KCNH4: variants seen among roughly 807,000 people sequenced by gnomAD.
KCNH4 encodes potassium voltage-gated channel subfamily H member 4, also known as voltage-gated delayed rectifier potassium channel KCNH4.
Under a neutral mutation model 90.7 loss-of-function variants are expected in KCNH4, and 33 were observed. The observed-to-expected ratio is 0.36, with a 90% CI of 0.28 to 0.49. The LOEUF (loss-of-function observed/expected upper bound fraction) is 0.49, where lower values mean the gene tolerates loss of function less well. KCNH4 is among the 20% of genes least tolerant of loss of function. KCNH4 has a pLI of 0.98. For synonymous variants in KCNH4, 551 were observed against 581.7 expected, an observed-to-expected ratio of 0.95 and a Z score of 0.76; for missense variants, 1,044 against 1,387.1, an observed-to-expected ratio of 0.75 and a Z score of 3.93.
rs184095898 is a variant in KCNH4 at position 42,161,220 on chromosome 17, G to T, written c.2659-785C>A. On this transcript the variant is annotated intron_variant, in intron 15 of 16. Coordinates refer to ENST00000264661, the MANE Select transcript of KCNH4 (RefSeq NM_012285.3). ...TGGGATTACAGGCATGAGCCACCGC[G>T]CCCGGCCTATCAGGTAGTTCTGACA... Among the ~76,000 whole-genome samples, 402 of 152,284 alleles carry T rather than the reference G, an allele frequency of 2.6e-3. 2 individuals carry two copies. Among genetic ancestry groups the T allele is most frequent in the Non-Finnish European group, 4.5e-3 (305 of 68,012 alleles).
chr17:42,157,918 A>G (rs998076369), intron 16 of KCNH4, among the ~76,000 whole-genome samples: 5 of 147,478 alleles, frequency 3.4e-5, no homozygotes, highest in Non-Finnish European at 7.5e-5. Context: ...CACCTGGCTA[A>G]TTTTTATTTA....
intron 16 of KCNH4, among the ~76,000 whole-genome samples, chr17:42,158,910 A>G (rs1348055929): frequency 6.6e-6 from 1 of 151,988 alleles, no homozygotes; most frequent in African/African-American, 2.4e-5. Context: ...TCTCAAACTC[A>G]TGGACTCAAG....
chr17:42,169,881 T>A (rs1385944542), intron 8 of KCNH4, among the ~76,000 whole-genome samples: 1 of 152,134 alleles, frequency 6.6e-6, no homozygotes, highest in Non-Finnish European at 1.5e-5. Context: ...CACCATTAGG[T>A]CATGAACCTG....
In KCNH4 at chr17:42,164,171, G is replaced by GT. The variant is rs375439821; in HGVS notation, c.2086-4dup. The stretch of plus-strand genomic sequence containing the variant: ...GATCGGGAAAAGCGGCTGAGGCCCT[G>GT]TGGGGACATAGGAGAGTTCAAGCTG... On this transcript the variant is annotated splice_region_variant and splice_polypyrimidine_tract_variant and intron_variant, in intron 11 of 16. Coordinates refer to ENST00000264661, the MANE Select transcript of KCNH4 (RefSeq NM_012285.3). The GT allele has an allele frequency of 1.2e-4, 189 of 1,550,584 alleles. No individual in the cohort carries two copies. The African/African-American group carries it at 2.0e-3, about 16-fold the overall frequency.
chr17:42,179,474 C>T (rs887154128), intron 1 of KCNH4, among the ~76,000 whole-genome samples: 1 of 152,204 alleles, frequency 6.6e-6, no homozygotes, highest in Non-Finnish European at 1.5e-5. Context: ...CTCACATGGT[C>T]GTTGTGAGAG....
In KCNH4 at chr17:42,170,203, A is replaced by G; in HGVS notation, c.1294T>C (p.Phe432Leu). ...ACACTGGTGAGGCTGCTTAGAGTGA[A>G]GTACAGTGCCGCGATGTAGGCGCTG... Reference protein sequence around the residue: ...RRSAYIAALYFTLSSLTSVGF... With the variant: ...RRSAYIAALYLTLSSLTSVGF... Residue 432 changes from phenylalanine to leucine, a missense_variant, in exon 8 of 17, where the codon TTC becomes CTC. By Grantham distance (22) the Phe-to-Leu change is conservative (BLOSUM62 0). Around this residue, in one of 4 missense-constraint regions of KCNH4, gnomAD observed 318 missense variants for 479.6 expected, o/e 0.66. Coordinates refer to ENST00000264661, the MANE Select transcript of KCNH4 (RefSeq NM_012285.3). The G allele has an allele frequency of 6.2e-7, 1 of 1,613,312 alleles. No individual in the cohort carries two copies. The highest frequency in any genetic ancestry group is 1.1e-5 in the South Asian group (1 of 91,082).
chr17:42,163,920 C>A lies in KCNH4; in HGVS notation c.2163G>T (p.Thr721=), dbSNP rs369021964. Residue 721 remains threonine (T), a synonymous_variant, in exon 13 of 17, where the codon ACG becomes ACT. Transcript: ENST00000264661. The surrounding 1 kb of genome is among the most constrained non-coding windows in gnomAD (Gnocchi z 5.4). ...SESLGSSSDK[T]LPSITEAESG... ...TCTCGGCCTCTGTGATGGATGGCAG[C>A]GTCTTGTCTGAGGAGGAGCCGAGGC... The A allele has an allele frequency of 1.4e-5, 21 of 1,547,070 alleles. No individual in the cohort carries two copies. The highest frequency in any genetic ancestry group is 1.8e-5 in the Non-Finnish European group (21 of 1,146,614).
At chr17:42,172,192 C>A (rs918206913) in intron 6 of KCNH4, among the ~76,000 whole-genome samples, 197 bp from the exon 7 acceptor site, 2 of 151,322 alleles carry the variant, frequency 1.3e-5, no homozygotes, top group African/African-American at 4.9e-5. Flanking sequence ...CAGTGGCTAA[C>A]ACTTTGTAAT....
In KCNH4 at chr17:42,181,108, C is replaced by G; in HGVS notation, c.-163G>C. 1.6e-6 allele frequency: 1 copy of G among 611,052 alleles called. No homozygotes were observed. Among genetic ancestry groups the G allele is most frequent in the Non-Finnish European group, 2.8e-6 (1 of 356,468 alleles). 37.9% of individuals were successfully genotyped at this position (611,052 alleles called of 1,614,324 possible). A position where few individuals can be genotyped will look rare whatever the true frequency, so the allele number is the denominator to read the frequency against. Reference sequence around the variant, plus strand: ...CTGCCGCTGCCTCTGCTCCGAACCCCGTAGCTCTCGGCTCGGCTCAGCGCC... The same window carrying G: ...CTGCCGCTGCCTCTGCTCCGAACCCGGTAGCTCTCGGCTCGGCTCAGCGCC... On this transcript the variant is annotated 5_prime_UTR_variant, in exon 1 of 17. Transcript: ENST00000264661.
intron 9 of KCNH4, among the ~76,000 whole-genome samples, chr17:42,167,764 G>A (rs1009348687): frequency 2.0e-5 from 3 of 152,212 alleles, no homozygotes; most frequent in Non-Finnish European, 2.9e-5. Context: ...ACCAGCAGGA[G>A]ATTACCACGT....
intron 9 of KCNH4, among the ~76,000 whole-genome samples, chr17:42,167,727 G>A (rs2079797798): frequency 6.6e-6 from 1 of 152,114 alleles, no homozygotes; most frequent in Non-Finnish European, 1.5e-5. Flanking sequence ...CAGAAAACTG[G>A]GAGTCACTCT....
intron 15 of KCNH4, among the ~76,000 whole-genome samples, chr17:42,162,018 G>A (rs957894611): frequency 6.7e-5 from 10 of 148,392 alleles, no homozygotes; most frequent in Admixed American, 1.4e-4. Flanking sequence ...GTGCAATGGC[G>A]CAATTTTGTC....
chr17:42,163,282 G>A lies in KCNH4; in HGVS notation c.2530C>T (p.Arg844Ter). ...SGSTAEAPSF[R>*]FSRRPELPRP... is the part of the protein sequence containing the mutation. ...GGCAGTTCAGGCCTCCTGCTGAATC[G>A]GAATGAAGGGGCCTCAGCTGTGCTG... Residue 844 changes from arginine to a stop codon, truncating the protein, a stop_gained, in exon 14 of 17, where the codon CGA (arginine) becomes TGA (stop). Coordinates refer to ENST00000264661, the MANE Select transcript of KCNH4 (RefSeq NM_012285.3). LOFTEE classifies it high-confidence loss of function. This position sits in a 1 kb window ranked among gnomAD's most constrained non-coding sequence, Gnocchi z 5.4. 2 of 1,614,112 alleles carry A rather than the reference G, an allele frequency of 1.2e-6. No individual in the cohort carries two copies. Among genetic ancestry groups the A allele is most frequent in the South Asian group, 1.1e-5 (1 of 91,086 alleles).
At chr17:42,173,467 T>C (rs1411338283) in intron 6 of KCNH4, among the ~76,000 whole-genome samples, 2 of 152,074 alleles carry the variant, frequency 1.3e-5, no homozygotes, top group Non-Finnish European at 2.9e-5. Context: ...GGCCACTCTC[T>C]TGGGGATACT....
Position 42,159,970 on chromosome 17 carries a change from G to A in KCNH4, c.*70C>T. The stretch of plus-strand genomic sequence containing the variant: ...TGCTGACCCCAAGGCAGGAAGCCAA[G>A]GGGCCCAGGTCCTCCCTGAGTGGTG... On this transcript the variant is annotated 3_prime_UTR_variant, in exon 16 of 17. Coordinates refer to ENST00000264661, the MANE Select transcript of KCNH4 (RefSeq NM_012285.3). The A allele has an allele frequency of 1.6e-6, 2 of 1,279,016 alleles. No homozygotes were observed. Among genetic ancestry groups the A allele is most frequent in the East Asian group, 2.7e-5 (1 of 37,646 alleles). The allele number at this position is 1,279,016 out of a possible 1,614,324, so 79.2% of individuals were successfully genotyped here. A position where few individuals can be genotyped will look rare whatever the true frequency, so the allele number is the denominator to read the frequency against.
At chr17:42,169,975 G>A (rs1264862573) in intron 8 of KCNH4, 132 bp downstream of exon 8, 4 of 977,112 alleles carry the variant, frequency 4.1e-6, no homozygotes, top group Admixed American at 2.8e-5. Context: ...GGAAACGTCC[G>A]TGAATGAATG....
At chr17:42,176,350 A>C in intron 4 of KCNH4, 53 bp from the exon 5 acceptor site, 3 of 871,304 alleles carry the variant, frequency 3.4e-6, no homozygotes, top group Non-Finnish European at 3.4e-6. Context: ...AGGAGCCAAG[A>C]TGGGGGGTGG....
chr17:42,168,644 GAAAAAAGA>G (rs1342396682), intron 9 of KCNH4, among the ~76,000 whole-genome samples: 1 of 151,530 alleles, frequency 6.6e-6, no homozygotes, highest in African/African-American at 2.4e-5. Flanking sequence ...ACTCCTTCTT[GAAAAAAGA>G]AAAAAAGAAA....
chr17:42,157,315 T>G (rs1453336348), intron 16 of KCNH4, among the ~76,000 whole-genome samples, 197 bp from the exon 17 acceptor site: 3 of 152,128 alleles, frequency 2.0e-5, no homozygotes, highest in Admixed American at 6.5e-5. Flanking sequence ...CTGCTTTTTA[T>G]TTTTTTATTT....
Sources: allele counts gnomAD v4.1 joint callset (sites outside exome capture counted in the v4.1 genomes callset), GRCh38; gene constraint gnomAD v4.1.1; regional missense constraint gnomAD v4.1.1; non-coding constraint Gnocchi (gnomAD v3.1); transcripts MANE v1.5; gene names NCBI Gene and HGNC (gene_info 2026-07-23, HGNC 2026-07-21).